ATP10B: variants seen among roughly 807,000 people sequenced by gnomAD.
The protein encoded by ATP10B is ATPase phospholipid transporting 10B (putative), also known as phospholipid-transporting ATPase VB.
Under a neutral mutation model 141.2 loss-of-function variants are expected in ATP10B, and 122 were observed. The ratio of observed to expected loss-of-function variants is 0.86; its 90% CI spans 0.75 to 1.00. The LOEUF (loss-of-function observed/expected upper bound fraction) is 1.00. Ranked by LOEUF, ATP10B falls within the 50% of genes least tolerant of loss-of-function variation. The pLI is 0.00. For synonymous variants in ATP10B, 685 were observed against 692.0 expected (o/e 0.99, Z 0.16); for missense variants, 1,876 against 1,825.3 (o/e 1.03, Z -0.51).
At chr5:160,607,183 T>C in intron 18 of ATP10B, 97 bp from the exon 19 acceptor site, 1 of 993,778 alleles carries the variant, frequency 1.0e-6, no homozygotes, top group South Asian at 1.7e-5. Flanking sequence ...CATAAAACTC[T>C]ACTACCATAG....
chr5:160,622,696 C>T, intron 13 of ATP10B, 111 bp from the exon 14 acceptor site: 4 of 1,043,750 alleles, frequency 3.8e-6, no homozygotes, highest in Non-Finnish European at 5.5e-6. Flanking sequence ...GTCTTGCATC[C>T]AGCATGTTTT....
At chr5:160,589,362 T>C (rs918496874) in intron 24 of ATP10B, among the ~76,000 whole-genome samples, 5 of 152,242 alleles carry the variant, frequency 3.3e-5, no homozygotes, top group African/African-American at 1.2e-4. Flanking sequence ...AATTGTCTCA[T>C]TGTTTTAATA....
intron 2 of ATP10B, among the ~76,000 whole-genome samples, chr5:160,780,675 G>A (rs1488472348): frequency 6.6e-6 from 1 of 151,970 alleles, no homozygotes; most frequent in East Asian, 1.9e-4. Flanking sequence ...ACCCACAAGA[G>A]AATTTATTCT....
the ATP10B span, among the ~76,000 whole-genome samples, chr5:160,862,666 G>A: frequency 1.3e-5 from 2 of 151,658 alleles, no homozygotes; most frequent in Non-Finnish European, 2.9e-5. Flanking sequence ...CCCAAAAGAG[G>A]GTATTTACCA....
At chr5:160,591,694 C>T (rs1330644149) in intron 22 of ATP10B, among the ~76,000 whole-genome samples, 1 of 152,172 alleles carries the variant, frequency 6.6e-6, no homozygotes, top group East Asian at 1.9e-4. Flanking sequence ...AGGCATTAAT[C>T]TTTGTGCCTT....
intron 6 of ATP10B, among the ~76,000 whole-genome samples, chr5:160,674,415 T>C (rs1213966099): frequency 1.3e-5 from 2 of 152,218 alleles, no homozygotes; most frequent in Admixed American, 6.5e-5. Context: ...GGCTGGAGTA[T>C]TGTCCTGTCA....
chr5:160,658,179 C>T (rs1396283989), intron 7 of ATP10B, among the ~76,000 whole-genome samples: 1 of 152,202 alleles, frequency 6.6e-6, no homozygotes, highest in African/African-American at 2.4e-5. Context: ...TGTCTGGCAA[C>T]AGGAGGACCT....
At chr5:160,733,630 T>C (rs1430205645) in intron 2 of ATP10B, among the ~76,000 whole-genome samples, 2 of 151,786 alleles carry the variant, frequency 1.3e-5, no homozygotes, top group Non-Finnish European at 2.9e-5. Context: ...ATTACACATA[T>C]ATGTAACACA....
intron 2 of ATP10B, among the ~76,000 whole-genome samples, chr5:160,772,651 G>A (rs1769989728): frequency 1.3e-5 from 2 of 152,188 alleles, no homozygotes; most frequent in Non-Finnish European, 2.9e-5. Context: ...GTGCTCCTAT[G>A]AGAATCTAAT....
intron 2 of ATP10B, among the ~76,000 whole-genome samples, chr5:160,751,696 T>C (rs891323497): frequency 6.6e-6 from 1 of 152,094 alleles, no homozygotes; most frequent in African/African-American, 2.4e-5. Context: ...CCTTGTCCAC[T>C]CTGGAACTTC....
chr5:160,735,679 A>G lies in ATP10B; in HGVS notation c.-330-18645T>C, dbSNP rs186361515. The stretch of plus-strand genomic sequence containing the variant: ...ATAATCACAGAACATTTCATCCAAT[A>G]ACTACTGAATATACATTAGTTTCCT... On this transcript the variant is annotated intron_variant, in intron 2 of 25. Coordinates refer to ENST00000327245, the MANE Select transcript of ATP10B (RefSeq NM_025153.3). Among the ~76,000 whole-genome samples the G allele has an allele frequency of 1.9e-3, 288 of 152,278 alleles. 2 individuals carry two copies. Among genetic ancestry groups the G allele is most frequent in the African/African-American group, 6.7e-3 (278 of 41,584 alleles).
intron 21 of ATP10B, among the ~76,000 whole-genome samples, chr5:160,600,964 C>T (rs1041080697): frequency 4.6e-5 from 7 of 150,760 alleles, no homozygotes; most frequent in African/African-American, 1.2e-4. Flanking sequence ...GCTTTGAAAG[C>T]GTGGCTGCTT....
At chr5:160,695,326 C>T (rs528489733) in intron 3 of ATP10B, among the ~76,000 whole-genome samples, 4 of 151,202 alleles carry the variant, frequency 2.6e-5, no homozygotes, top group East Asian at 2.0e-4. Context: ...AAAACAATGG[C>T]CTCCTGTAAT....
intron 24 of ATP10B, among the ~76,000 whole-genome samples, chr5:160,579,989 C>T (rs1350129646): frequency 2.0e-5 from 3 of 152,082 alleles, no homozygotes; most frequent in Non-Finnish European, 4.4e-5. Flanking sequence ...TATAGGAATG[C>T]TTGTGATTTT....
intron 2 of ATP10B, among the ~76,000 whole-genome samples, chr5:160,768,825 C>T (rs1561834867): frequency 2.0e-5 from 3 of 152,128 alleles, no homozygotes; most frequent in Admixed American, 6.6e-5. Flanking sequence ...TACTGTTTCT[C>T]TTTTCTTTTC....
chr5:160,565,923 A>G (rs1291971715), intron 25 of ATP10B, 23 bp from the exon 26 acceptor site: 2 of 1,570,750 alleles, frequency 1.3e-6, no homozygotes, highest in Non-Finnish European at 8.6e-7. Context: ...AACAGAATAA[A>G]GATATTTCTG....
At chr5:160,863,995 C>T in the ATP10B span, among the ~76,000 whole-genome samples, 1 of 151,974 alleles carries the variant, frequency 6.6e-6, no homozygotes, top group Admixed American at 6.6e-5. Flanking sequence ...GATGGATTCA[C>T]AGCTGAATTA....
At chr5:160,742,830 C>T (rs1011931821) in intron 2 of ATP10B, among the ~76,000 whole-genome samples, 2 of 151,930 alleles carry the variant, frequency 1.3e-5, no homozygotes, top group Non-Finnish European at 2.9e-5. Flanking sequence ...TGGCTGGTGA[C>T]CTTAGAGTGA....
chr5:160,817,667 C>G (rs189653494), intron 1 of ATP10B, among the ~76,000 whole-genome samples: 7 of 152,196 alleles, frequency 4.6e-5, no homozygotes, highest in Admixed American at 1.3e-4. Context: ...TCATATGGAA[C>G]CAAAAAAGAG....
Sources: allele counts gnomAD v4.1 joint callset (sites outside exome capture counted in the v4.1 genomes callset), GRCh38; gene constraint gnomAD v4.1.1; transcripts MANE v1.5; gene names NCBI Gene and HGNC (gene_info 2026-07-23, HGNC 2026-07-21).